Variants in ZSWIM6 observed in about 807,000 individuals in gnomAD.
ZSWIM6 encodes the protein zinc finger SWIM-type containing 6, also known as zinc finger SWIM domain-containing protein 6.
In ZSWIM6, 9 loss-of-function variants were observed where a neutral mutation model predicts 113.2. The observed-to-expected ratio is 0.08, with a 90% CI of 0.05 to 0.14. The LOEUF (loss-of-function observed/expected upper bound fraction) is 0.14. Among genes scored for constraint, ZSWIM6 ranks in the 10% least tolerant of loss-of-function variants. ZSWIM6 has a pLI of 1.00. For synonymous variants in ZSWIM6, 611 were observed against 606.5 expected, an observed-to-expected ratio of 1.01 and a Z score of -0.11; for missense variants, 1,162 against 1,552.2, an observed-to-expected ratio of 0.75 and a Z score of 4.22.
chr5:61,541,820 C>G (rs112442132), intron 12 of ZSWIM6, 64 bp from the exon 13 acceptor site: 1 of 1,351,786 alleles, frequency 7.4e-7, no homozygotes, highest in Non-Finnish European at 1.0e-6. Context: ...TAGTTTATCC[C>G]CCCCCTTTTT....
At chr5:61,460,887 A>G (rs1747310554) in intron 1 of ZSWIM6, among the ~76,000 whole-genome samples, 2 of 151,896 alleles carry the variant, frequency 1.3e-5, no homozygotes, top group Admixed American at 6.6e-5. Flanking sequence ...TATTTATTCT[A>G]TATTTTTATA....
At chr5:61,476,466 G>A (rs773802727) in intron 2 of ZSWIM6, among the ~76,000 whole-genome samples, 6 of 152,070 alleles carry the variant, frequency 3.9e-5, no homozygotes, top group Non-Finnish European at 5.9e-5. Context: ...ATTTCAATAT[G>A]TTTTCATAAA....
In ZSWIM6 at chr5:61,332,629, G is replaced by A. The variant is rs576844771; in HGVS notation, c.357G>A (p.Arg119=). 149 of 1,249,786 alleles carry A rather than the reference G, an allele frequency of 1.2e-4. 1 individual carries two copies. In the South Asian group the frequency reaches 2.1e-3, roughly 17 times the overall value. The allele number at this position is 1,249,786 out of a possible 1,614,324, so 77.4% of individuals were successfully genotyped here. The part of the protein sequence containing the change: ...IVYWSFPRSE[R]EICMYSSFNT... ...ATTGGTCCTTCCCCCGCAGCGAGCG[G>A]GAGATCTGCATGTACTCGTCCTTCA... The change falls in exon 1 of 14, where the codon CGG becomes CGA. Residue 119 remains arginine (R), a synonymous_variant. Coordinates refer to ENST00000252744, the MANE Select transcript of ZSWIM6 (RefSeq NM_020928.2).
chr5:61,393,137 T>C (rs919774277), intron 1 of ZSWIM6, among the ~76,000 whole-genome samples: 1 of 152,008 alleles, frequency 6.6e-6, no homozygotes, highest in African/African-American at 2.4e-5. Flanking sequence ...CCTCCCAGGT[T>C]GAAGCGATTC....
chr5:61,357,882 T>A (rs1007117309), intron 1 of ZSWIM6, among the ~76,000 whole-genome samples: 1 of 152,116 alleles, frequency 6.6e-6, no homozygotes, highest in Non-Finnish European at 1.5e-5. Context: ...AAAAAAAATT[T>A]CCTGTTTACT....
intron 2 of ZSWIM6, among the ~76,000 whole-genome samples, chr5:61,477,825 A>T (rs1406472028): frequency 6.6e-6 from 1 of 152,240 alleles, no homozygotes; most frequent in African/African-American, 2.4e-5. Flanking sequence ...CTTAAGATGT[A>T]ATAAGCACTC....
At chr5:61,528,440 A>G (rs181236038) in intron 7 of ZSWIM6, among the ~76,000 whole-genome samples, 20 of 152,052 alleles carry the variant, frequency 1.3e-4, no homozygotes, top group African/African-American at 4.8e-4. Flanking sequence ...AAACATATTT[A>G]TTTGGTTGTT....
At chr5:61,506,555 C>G (rs181305376) in intron 4 of ZSWIM6, among the ~76,000 whole-genome samples, 41 of 151,432 alleles carry the variant, frequency 2.7e-4, no homozygotes, top group Admixed American at 6.6e-4. Flanking sequence ...GCCTGGGCAA[C>G]AGAGTGAGAC....
chr5:61,520,681 A>C (rs978611160), intron 4 of ZSWIM6, among the ~76,000 whole-genome samples: 1 of 152,272 alleles, frequency 6.6e-6, no homozygotes, highest in South Asian at 2.1e-4. Context: ...ATAAATATGC[A>C]TACTAATTAA....
intron 1 of ZSWIM6, among the ~76,000 whole-genome samples, chr5:61,365,889 C>G (rs1745138992): frequency 6.6e-6 from 1 of 152,144 alleles, no homozygotes; most frequent in Non-Finnish European, 1.5e-5. Context: ...TTCTGTAAAG[C>G]ACCTTAAACC....
At position 61,425,766 on chromosome 5, in the gene ZSWIM6, G is replaced by A. The variant is rs192787223; in HGVS notation, c.677-46915G>A. 1.3e-4 allele frequency among the ~76,000 whole-genome samples: 20 copies of A among 152,326 alleles called. No individual in the cohort carries two copies. In the East Asian group the frequency reaches 3.9e-3, roughly 29 times the overall value. On this transcript the variant is annotated intron_variant, in intron 1 of 13. Coordinates refer to ENST00000252744, the MANE Select transcript of ZSWIM6 (RefSeq NM_020928.2). ...ACATTTTGGGCAGAGGGAACAGAAT[G>A]TGCAAAAGCACTGGGCTTATAAAAG...
intron 1 of ZSWIM6, among the ~76,000 whole-genome samples, chr5:61,353,884 C>CA (rs1452455495): frequency 6.6e-6 from 1 of 152,186 alleles, no homozygotes; most frequent in Admixed American, 6.5e-5. Context: ...TAGAGGTGCA[C>CA]ACACCTCAGT....
At chr5:61,333,828 TGC>T (rs958203549) in intron 1 of ZSWIM6, among the ~76,000 whole-genome samples, 1 of 151,916 alleles carries the variant, frequency 6.6e-6, no homozygotes, top group African/African-American at 2.4e-5. Flanking sequence ...GAGTTTTGTT[TGC>T]GCTGTGTGGT....
rs558370497 is a variant in ZSWIM6 at position 61,338,903 on chromosome 5, A to G, written c.676+5955A>G. ...AGGATGCCCTTGGAACATGTCCTTTAATAGAATTATTGCAATTAATTGAAC... is the reference window on the plus strand; with the variant it reads ...AGGATGCCCTTGGAACATGTCCTTTGATAGAATTATTGCAATTAATTGAAC... On this transcript the variant is annotated intron_variant, in intron 1 of 13. Coordinates refer to ENST00000252744, the MANE Select transcript of ZSWIM6 (RefSeq NM_020928.2). Among the ~76,000 whole-genome samples, 3 of 152,270 alleles carry G rather than the reference A, an allele frequency of 2.0e-5. No homozygotes were observed. The East Asian group carries it at 5.8e-4, about 29-fold the overall frequency.
intron 1 of ZSWIM6, among the ~76,000 whole-genome samples, chr5:61,337,300 CA>C (rs1051639777): frequency 4.0e-5 from 6 of 151,206 alleles, no homozygotes; most frequent in East Asian, 1.9e-4. Flanking sequence ...AAAACAAAAA[CA>C]AAAAAAACGA....
At chr5:61,419,063 C>T (rs994639267) in intron 1 of ZSWIM6, among the ~76,000 whole-genome samples, 2 of 152,226 alleles carry the variant, frequency 1.3e-5, no homozygotes, top group African/African-American at 2.4e-5. Flanking sequence ...TTCAGGTGAT[C>T]CCCCTGCCTT....
chr5:61,355,945 C>T (rs1439907324), intron 1 of ZSWIM6, among the ~76,000 whole-genome samples: 2 of 152,236 alleles, frequency 1.3e-5, no homozygotes, highest in African/African-American at 4.8e-5. Context: ...TAGTGCTAGT[C>T]TCTAGGCCCT....
rs547259070 is a variant in ZSWIM6, at chr5:61,494,328, C to T, written c.1251C>T (p.Phe417=). The T allele has an allele frequency of 5.2e-5, 81 of 1,551,064 alleles. No individual in the cohort carries two copies. The highest frequency in any genetic ancestry group is 7.0e-5 in the Non-Finnish European group (80 of 1,146,624). The part of the protein sequence containing the change: ...ARMLTLITEQ[F]MADPRLSLWR... Reference sequence around the variant, plus strand: ...TGTTGACCTTGATAACAGAGCAATTCATGGCTGACCCTCGCCTGTCACTTT... The same window carrying T: ...TGTTGACCTTGATAACAGAGCAATTTATGGCTGACCCTCGCCTGTCACTTT... The change falls in exon 4 of 14, where the codon TTC becomes TTT. Residue 417 remains phenylalanine, a synonymous_variant. Transcript: ENST00000252744.
At chr5:61,384,332 G>C (rs1276250148) in intron 1 of ZSWIM6, among the ~76,000 whole-genome samples, 2 of 151,562 alleles carry the variant, frequency 1.3e-5, no homozygotes, top group Non-Finnish European at 2.9e-5. Context: ...ATAAAATGTT[G>C]CTTTCTTTGC....
Sources: gnomAD v4.1 joint callset for allele counts (sites outside exome capture counted in the v4.1 genomes callset) on GRCh38, gnomAD v4.1.1 for gene constraint, MANE v1.5 for transcripts, NCBI Gene and HGNC (gene_info 2026-07-23, HGNC 2026-07-21) for gene names.